Variants in OR10J1 observed in about 807,000 individuals in gnomAD.
The protein encoded by OR10J1 is olfactory receptor family 10 subfamily J member 1.
For synonymous variants in OR10J1, 202 were observed against 143.8 expected, an observed-to-expected ratio of 1.40 and a Z score of -2.89; for missense variants, 474 against 376.6, an observed-to-expected ratio of 1.26 and a Z score of -2.14.
the OR10J1 span, among the ~76,000 whole-genome samples, chr1:159,401,942 T>A: frequency 6.6e-6 from 1 of 152,034 alleles, no homozygotes; most frequent in Non-Finnish European, 1.5e-5. Flanking sequence ...TGGTTCAACA[T>A]TTGCAAATCA....
chr1:159,414,259 A>G, the OR10J1 span, among the ~76,000 whole-genome samples: 1 of 152,004 alleles, frequency 6.6e-6, no homozygotes, highest in African/African-American at 2.4e-5. Flanking sequence ...CCCACACACC[A>G]TTCCTAGGCT....
chr1:159,432,557 C>A, the OR10J1 span: 1 of 472,254 alleles, frequency 2.1e-6, no homozygotes. Context: ...TGCTCACAGC[C>A]ATGGGGTATG....
At chr1:159,428,246 T>A in the OR10J1 span, among the ~76,000 whole-genome samples, 2 of 152,156 alleles carry the variant, frequency 1.3e-5, no homozygotes, top group African/African-American at 4.8e-5. Flanking sequence ...TGTCAAAATG[T>A]GCAGATGATG....
At chr1:159,430,478 C>T in the OR10J1 span, among the ~76,000 whole-genome samples, 1 of 152,112 alleles carries the variant, frequency 6.6e-6, no homozygotes, top group Non-Finnish European at 1.5e-5. Flanking sequence ...AGGTATTTAA[C>T]TCCAGACTAC....
chr1:159,422,541 T>C, the OR10J1 span, among the ~76,000 whole-genome samples: 1 of 151,898 alleles, frequency 6.6e-6, no homozygotes, highest in Admixed American at 6.6e-5. Context: ...ATCCCAGGAG[T>C]AGCAGCGGTA....
chr1:159,417,279 A>T, the OR10J1 span, among the ~76,000 whole-genome samples: 2 of 151,984 alleles, frequency 1.3e-5, no homozygotes, highest in East Asian at 3.9e-4. Flanking sequence ...ATTTCTTTCA[A>T]TAAATCTTAT....
the OR10J1 span, among the ~76,000 whole-genome samples, chr1:159,412,252 G>T: frequency 6.6e-6 from 1 of 151,630 alleles, no homozygotes; most frequent in East Asian, 1.9e-4. Flanking sequence ...CGTGAAAAAG[G>T]CCATACTGCC....
the OR10J1 span, among the ~76,000 whole-genome samples, chr1:159,430,645 G>GTGTGTT: frequency 5.5e-5 from 4 of 73,222 alleles, no homozygotes; most frequent in Non-Finnish European, 1.6e-4. Context: ...ATTATGGTGT[G>GTGTGTT]TGTGTGTGTG....
At chr1:159,403,712 C>T in the OR10J1 span, among the ~76,000 whole-genome samples, 1 of 152,056 alleles carries the variant, frequency 6.6e-6, no homozygotes, top group Non-Finnish European at 1.5e-5. Context: ...TTGGAGGTTC[C>T]TCAAAAAACT....
chr1:159,415,117 G>A, the OR10J1 span, among the ~76,000 whole-genome samples: 59 of 151,784 alleles, frequency 3.9e-4, 1 homozygote, highest in Middle Eastern at 0.02. Flanking sequence ...ATGCTTTTGC[G>A]ATCTTCATTA....
chr1:159,413,802 C>T, the OR10J1 span, among the ~76,000 whole-genome samples: 1 of 151,294 alleles, frequency 6.6e-6, no homozygotes, highest in Non-Finnish European at 1.5e-5. Flanking sequence ...AACTAACCTG[C>T]ACATTGTGCA....
At chr1:159,403,867 T>C in the OR10J1 span, among the ~76,000 whole-genome samples, 1 of 152,222 alleles carries the variant, frequency 6.6e-6, no homozygotes, top group Non-Finnish European at 1.5e-5. Context: ...AACCTAAGTG[T>C]CCATCGATAG....
the OR10J1 span, among the ~76,000 whole-genome samples, chr1:159,411,056 C>G: frequency 6.6e-6 from 1 of 152,258 alleles, no homozygotes; most frequent in South Asian, 2.1e-4. Context: ...GCACTGTGGT[C>G]TGAGAGACAG....
the OR10J1 span, chr1:159,405,616 C>T: frequency 4.9e-6 from 2 of 404,310 alleles, no homozygotes; most frequent in Non-Finnish European, 9.8e-6. Context: ...GGAAATATAG[C>T]CATAGTGGCT....
chr1:159,404,231 C>A, the OR10J1 span, among the ~76,000 whole-genome samples: 2 of 152,100 alleles, frequency 1.3e-5, no homozygotes, highest in East Asian at 3.9e-4. Flanking sequence ...AATAACTGTA[C>A]CTTTTGAAAT....
the OR10J1 span, among the ~76,000 whole-genome samples, chr1:159,409,710 C>A: frequency 6.6e-6 from 1 of 151,950 alleles, no homozygotes; most frequent in Non-Finnish European, 1.5e-5. Flanking sequence ...TTGAAGACAG[C>A]TTTTCCAATT....
the OR10J1 span, among the ~76,000 whole-genome samples, chr1:159,424,402 A>G: frequency 7.5e-3 from 1,131 of 149,880 alleles, 12 homozygotes; most frequent in African/African-American, 0.021. Context: ...ATACATGTAC[A>G]TGAATATACA....
At chr1:159,408,888 T>A in the OR10J1 span, among the ~76,000 whole-genome samples, 1 of 152,084 alleles carries the variant, frequency 6.6e-6, no homozygotes, top group East Asian at 1.9e-4. Flanking sequence ...TGGTTCTGAA[T>A]GGATCTAGGA....
Position 159,440,775 on chromosome 1 carries a change from T to A in OR10J1, c.*54T>A. 6.4e-7 allele frequency: 1 copy of A among 1,559,028 alleles called. No individual in the cohort carries two copies. Among genetic ancestry groups the A allele is most frequent in the South Asian group, 1.2e-5 (1 of 81,838 alleles). On this transcript the variant is annotated 3_prime_UTR_variant, in exon 1 of 1. Coordinates refer to ENST00000423932, the MANE Select transcript of OR10J1 (RefSeq NM_012351.3). ...TCAACATCCACACTAGGCAGGAATA[T>A]GAGGTGTAAACTCACAAACACTTGG...
Sources: gnomAD v4.1 joint callset for allele counts (sites outside exome capture counted in the v4.1 genomes callset) on GRCh38, gnomAD v4.1.1 for gene constraint, MANE v1.5 for transcripts, NCBI Gene and HGNC (gene_info 2026-07-23, HGNC 2026-07-21) for gene names.